SLC25A29: variants seen among roughly 807,000 people sequenced by gnomAD.
SLC25A29 encodes solute carrier family 25 member 29.
In SLC25A29, 13 loss-of-function variants were observed where a neutral mutation model predicts 10.0. That is an observed-to-expected ratio of 1.30 (90% CI 0.85 to 2.07). The LOEUF (loss-of-function observed/expected upper bound fraction) is 2.07. SLC25A29 is among the 30% of genes most tolerant of loss of function. SLC25A29 has a pLI of 0.00. For synonymous variants in SLC25A29, 244 were observed against 221.1 expected (o/e 1.10, Z -0.92); for missense variants, 475 against 447.6 (o/e 1.06, Z -0.55).
intron 1 of SLC25A29, among the ~76,000 whole-genome samples, chr14:100,304,725 G>A (rs947943723): frequency 2.0e-5 from 3 of 152,220 alleles, no homozygotes; most frequent in African/African-American, 7.2e-5. Flanking sequence ...CTGCGCGAGC[G>A]ACGTGCAGAG....
chr14:100,304,334 G>A (rs966320675), intron 1 of SLC25A29, among the ~76,000 whole-genome samples: 4 of 152,194 alleles, frequency 2.6e-5, no homozygotes, highest in African/African-American at 7.2e-5. Context: ...CCAGCACCCT[G>A]GAGTAAGGGG....
Position 100,299,319 on chromosome 14 carries a change from G to A in SLC25A29, c.35-434C>T, listed in dbSNP as rs888334708. 21 of 1,027,110 alleles carry A rather than the reference G, an allele frequency of 2.0e-5. No individual in the cohort carries two copies. In the Admixed American group the frequency reaches 3.5e-4, roughly 17 times the overall value. 63.6% of individuals were successfully genotyped at this position (1,027,110 alleles called of 1,614,324 possible). On this transcript the variant is annotated intron_variant, in intron 1 of 3. Transcript: ENST00000359232. ...CCCAGATTTGAATTTTCCCCCTGCC[G>A]CTCATCAGCCTGGCGTGCTCACAAA... is the stretch of plus-strand genomic sequence containing the variant.
Position 100,292,885 on chromosome 14 carries a change from C to G in SLC25A29, c.310G>C (p.Ala104Pro). The change falls in exon 4 of 4, where the codon GCC (alanine) becomes CCC (proline). Residue 104 changes from alanine to proline, a missense_variant. Ala to Pro is a conservative substitution (Grantham distance 27). Coordinates refer to ENST00000359232, the MANE Select transcript of SLC25A29 (RefSeq NM_001039355.3). The stretch of plus-strand genomic sequence containing the variant: ...GGGCAGCAGATGACGCACTGGATGG[C>G]GCCCGCCGCCGCACCTGCCAGGAAC... ...NQFLAGAAAG[A>P]IQCVICCPME... The G allele has an allele frequency of 1.2e-6, 2 of 1,600,788 alleles. No homozygotes were observed.
the SLC25A29 span, chr14:100,280,953 G>A: frequency 4.6e-5 from 7 of 151,466 alleles, no homozygotes; most frequent in South Asian, 4.2e-4. Flanking sequence ...TGATAATTTC[G>A]GGAGGCTGAG....
intron 1 of SLC25A29, chr14:100,299,786 G>T: frequency 1.0e-6 from 1 of 985,412 alleles, no homozygotes. Context: ...GGAGTTTCAC[G>T]TGGACATCTG....
intron 2 of SLC25A29, among the ~76,000 whole-genome samples, chr14:100,297,795 T>G (rs1320006428): frequency 1.3e-5 from 2 of 152,248 alleles, no homozygotes; most frequent in Non-Finnish European, 2.9e-5. Flanking sequence ...TAGCATTTAA[T>G]CCAACATAAA....
At chr14:100,286,050 C>T in the SLC25A29 span, among the ~76,000 whole-genome samples, 2 of 152,128 alleles carry the variant, frequency 1.3e-5, no homozygotes, top group African/African-American at 4.8e-5. Context: ...CCACTCCGGC[C>T]GCCCCAGCCC....
In SLC25A29 at chr14:100,293,295, C is replaced by T; in HGVS notation, c.161G>A (p.Ser54Asn). 2 of 1,613,176 alleles carry T rather than the reference C, an allele frequency of 1.2e-6. No homozygotes were observed. The highest frequency in any genetic ancestry group is 2.7e-5 in the African/African-American group (2 of 75,060). ...HCFKSIIKQE[S>N]VLGLYKGLGS... is the part of the protein sequence containing the mutation. ...GCCCCACCAGCCCAGGCCACTCACG[C>T]TCTCTTGCTTGATGATGGACTTGAA... Residue 54 changes from serine (S) to asparagine (N), a missense_variant and splice_region_variant, in exon 3 of 4, where the codon AGC (serine) becomes AAC (asparagine). Physicochemically the swap from Ser to Asn is conservative, Grantham distance 46 (BLOSUM62 1). Transcript: ENST00000359232.
At chr14:100,284,193 C>T in the SLC25A29 span, among the ~76,000 whole-genome samples, 1 of 152,216 alleles carries the variant, frequency 6.6e-6, no homozygotes, top group Non-Finnish European at 1.5e-5. Context: ...AAGCCCAAGC[C>T]TGCCTGGCTT....
At chr14:100,285,111 C>G in the SLC25A29 span, among the ~76,000 whole-genome samples, 2 of 152,056 alleles carry the variant, frequency 1.3e-5, no homozygotes, top group Non-Finnish European at 2.9e-5. Context: ...GAGCACGCCC[C>G]TCAGGTGTTT....
intron 1 of SLC25A29, chr14:100,299,429 G>A (rs989528390): frequency 3.0e-6 from 3 of 992,968 alleles, no homozygotes; most frequent in Non-Finnish European, 3.6e-6. Flanking sequence ...ACTGAACAGG[G>A]TAATGGCCCC....
At chr14:100,281,379 G>C in the SLC25A29 span, 1 of 152,194 alleles carries the variant, frequency 6.6e-6, no homozygotes, top group Non-Finnish European at 1.5e-5. Flanking sequence ...CAGCTGCTCT[G>C]CTGGCTTGCT....
chr14:100,295,799 T>C (rs976754328), intron 2 of SLC25A29: 1 of 1,285,772 alleles, frequency 7.8e-7, no homozygotes, highest in Non-Finnish European at 1.0e-6. Context: ...CCCCATCCCA[T>C]GCCCAGGGAT....
chr14:100,300,202 C>T (rs1399468427), intron 1 of SLC25A29, among the ~76,000 whole-genome samples: 2 of 152,160 alleles, frequency 1.3e-5, no homozygotes, highest in East Asian at 1.9e-4. Context: ...ATCCAGGAGG[C>T]AGAAGTTGCA....
intron 2 of SLC25A29, chr14:100,298,499 T>G: frequency 5.2e-6 from 2 of 387,530 alleles, no homozygotes; most frequent in East Asian, 6.2e-5. Flanking sequence ...TGAGTTTTGG[T>G]TTTTTTTGTA....
intron 2 of SLC25A29, chr14:100,298,489 T>C (rs560056441): frequency 2.1e-4 from 76 of 368,222 alleles, no homozygotes; most frequent in Non-Finnish European, 3.3e-4. Flanking sequence ...ATGGGAGATA[T>C]GAGTTTTGGT....
In SLC25A29 at chr14:100,306,236, C is replaced by T. The variant is rs776801930; in HGVS notation, c.-4G>A. The T allele has an allele frequency of 1.9e-5, 29 of 1,491,678 alleles. No homozygotes were observed. The highest frequency in any genetic ancestry group is 2.2e-5 in the Non-Finnish European group (25 of 1,124,428). The allele number at this position is 1,491,678 out of a possible 1,614,324, so 92.4% of individuals were successfully genotyped here. ...CAGCCAAGAAGTCCAGCGCCATGGCCGGGTCCCCGGCGAGGCCGCCTTTCC... is the reference window on the plus strand; with the variant it reads ...CAGCCAAGAAGTCCAGCGCCATGGCTGGGTCCCCGGCGAGGCCGCCTTTCC... On this transcript the variant is annotated 5_prime_UTR_variant, in exon 1 of 4. Transcript: ENST00000359232.
the SLC25A29 span, among the ~76,000 whole-genome samples, chr14:100,283,297 ATACATGTGACTTTCC>A: frequency 6.6e-6 from 1 of 152,160 alleles, no homozygotes; most frequent in African/African-American, 2.4e-5. Context: ...TATTACTTGA[ATACATGTGACTTTCC>A]CTTTTTGCTA....
intron 1 of SLC25A29, among the ~76,000 whole-genome samples, chr14:100,301,753 ACCCGCCTC>A (rs1892566072): frequency 4.5e-5 from 6 of 133,694 alleles, no homozygotes; most frequent in Non-Finnish European, 9.8e-5. Flanking sequence ...CTCGTGATCC[ACCCGCCTC>A]GGCCACCCAA....
Sources: gnomAD v4.1 joint callset for allele counts (sites outside exome capture counted in the v4.1 genomes callset) on GRCh38, gnomAD v4.1.1 for gene constraint, MANE v1.5 for transcripts, NCBI Gene and HGNC (gene_info 2026-07-23, HGNC 2026-07-21) for gene names.